The following PLEKHM3 variants were observed in gnomAD, a reference collection of about 807,000 sequenced individuals.
PLEKHM3 encodes pleckstrin homology domain-containing family M member 3.
Under a neutral mutation model 81.8 loss-of-function variants are expected in PLEKHM3, and 45 were observed. That is an observed-to-expected ratio of 0.55 (90% CI 0.43 to 0.71). PLEKHM3 has a LOEUF of 0.71. PLEKHM3 is among the 30% of genes least tolerant of loss of function. The pLI is 0.00. For missense variants in PLEKHM3, 788 were observed against 924.3 expected (o/e 0.85, Z 1.91); for synonymous variants, 352 against 356.4 (o/e 0.99, Z 0.14).
chr2:207,935,732 C>T (rs921302297), intron 4 of PLEKHM3, among the ~76,000 whole-genome samples: 4 of 152,170 alleles, frequency 2.6e-5, no homozygotes, highest in Admixed American at 2.6e-4. Context: ...TGCTTTTTAG[C>T]ATTGTTTATA....
At position 207,908,595 on chromosome 2, in the gene PLEKHM3, T is replaced by C. The variant is rs767643090; in HGVS notation, c.1887-18A>G. 33 of 1,592,028 alleles carry C rather than the reference T, an allele frequency of 2.1e-5. No individual in the cohort carries two copies. The South Asian group carries it at 2.3e-4, about 11-fold the overall frequency. ...GGAAAATTCTGAAAACAAGGGCAGA[T>C]AGACAAGTGAACTGTGGTGCTGCCA... On this transcript the variant is annotated intron_variant, in intron 5 of 7. Transcript: ENST00000427836.
intron 6 of PLEKHM3, chr2:207,900,200 T>C (rs966003890): frequency 6.6e-6 from 1 of 152,176 alleles, no homozygotes; most frequent in Non-Finnish European, 1.5e-5. Flanking sequence ...GCTGGAATCA[T>C]GTGGGGCTGT....
chr2:207,953,746 C>A (rs564811015), intron 3 of PLEKHM3, among the ~76,000 whole-genome samples: 3 of 151,912 alleles, frequency 2.0e-5, no homozygotes, highest in South Asian at 2.1e-4. Flanking sequence ...ATTGCTGGAA[C>A]CTGGGAGGCA....
At chr2:207,953,205 G>C (rs1690390594) in intron 3 of PLEKHM3, among the ~76,000 whole-genome samples, 1 of 152,208 alleles carries the variant, frequency 6.6e-6, no homozygotes, top group South Asian at 2.1e-4. Context: ...TGAGTTCATG[G>C]ACTTTAGACT....
In PLEKHM3 at chr2:207,830,719, G is replaced by GAAGTGTCCTTAGGACACTTCTTCT. The variant is rs1553541542; in HGVS notation, c.2109-2224_2109-2223insAGAAGAAGTGTCCTAAGGACACTT. ...CTAAGTGTCCTTAGAAGTGTCCTTA[G>GAAGTGTCCTTAGGACACTTCTTCT]AAGTGTCCTAAGTTGGGGAGCTTGC... On this transcript the variant is annotated intron_variant, in intron 7 of 7. Transcript: ENST00000427836. Among the ~76,000 whole-genome samples, 516 of 146,512 alleles carry GAAGTGTCCTTAGGACACTTCTTCT rather than the reference G, an allele frequency of 3.5e-3. 4 individuals are homozygous for GAAGTGTCCTTAGGACACTTCTTCT. Among genetic ancestry groups the GAAGTGTCCTTAGGACACTTCTTCT allele is most frequent in the African/African-American group, 0.012 (481 of 39,192 alleles).
At chr2:207,905,255 C>T (rs1688564677) in intron 6 of PLEKHM3, among the ~76,000 whole-genome samples, 1 of 152,182 alleles carries the variant, frequency 6.6e-6, no homozygotes, top group African/African-American at 2.4e-5. Context: ...ATATGACAGA[C>T]AGGTCTGCTT....
chr2:207,943,086 T>C lies in PLEKHM3; in HGVS notation c.1692+3281A>G, dbSNP rs146415804. On this transcript the variant is annotated intron_variant, in intron 4 of 7. Coordinates refer to ENST00000427836, the MANE Select transcript of PLEKHM3 (RefSeq NM_001080475.3). ...AGGTTGGTTAATGGGTATAAAAATA[T>C]AGTGGGAAAGAGAAGTTCTAGTATT... Among the ~76,000 whole-genome samples, 23 of 152,202 alleles carry C rather than the reference T, an allele frequency of 1.5e-4. No homozygotes were observed. The East Asian group carries it at 3.3e-3, about 22-fold the overall frequency.
intron 5 of PLEKHM3, among the ~76,000 whole-genome samples, chr2:207,924,271 G>A (rs1440505302): frequency 6.6e-6 from 1 of 152,190 alleles, no homozygotes; most frequent in African/African-American, 2.4e-5. Flanking sequence ...GTACGCAGCT[G>A]GACATAACAA....
rs1293919579 is a variant in PLEKHM3 at position 207,824,821 on chromosome 2, A to T, written c.*3498T>A. ...CTCGGATCTCACTGCAGCCGGAAGG[A>T]AGTCACGGCATAGTCCCTTTTCAGG... is the stretch of plus-strand genomic sequence containing the variant. On this transcript the variant is annotated 3_prime_UTR_variant, in exon 8 of 8. Coordinates refer to ENST00000427836, the MANE Select transcript of PLEKHM3 (RefSeq NM_001080475.3). 1 of 152,164 alleles carries T rather than the reference A, an allele frequency of 6.6e-6. No homozygotes were observed. The highest frequency in any genetic ancestry group is 1.5e-5 in the Non-Finnish European group (1 of 68,044). 9.4% of individuals were successfully genotyped at this position (152,164 alleles called of 1,614,324 possible).
At chr2:207,946,875 T>C (rs1183254679) in intron 3 of PLEKHM3, among the ~76,000 whole-genome samples, 1 of 152,204 alleles carries the variant, frequency 6.6e-6, no homozygotes, top group Non-Finnish European at 1.5e-5. Flanking sequence ...GCTGAAGGCA[T>C]CTCATACAGA....
At chr2:207,828,896 C>T (rs1337390590) in intron 7 of PLEKHM3, among the ~76,000 whole-genome samples, 1 of 152,238 alleles carries the variant, frequency 6.6e-6, no homozygotes, top group South Asian at 2.1e-4. Context: ...ACAGCCACAG[C>T]GTTACATCCA....
intron 5 of PLEKHM3, among the ~76,000 whole-genome samples, chr2:207,921,241 G>GT (rs200481353): frequency 0.018 from 2,722 of 152,208 alleles, 27 homozygotes; most frequent in Middle Eastern, 0.054. Context: ...CAGAGACGGG[G>GT]TTTCACCATG....
chr2:207,923,880 C>CACACACACATATAT (rs1319162543), intron 5 of PLEKHM3, among the ~76,000 whole-genome samples: 12 of 56,788 alleles, frequency 2.1e-4, no homozygotes, highest in South Asian at 5.9e-4. Context: ...CACACACACA[C>CACACACACATATAT]ATATATATAT....
At chr2:207,957,630 G>A (rs970784561) in intron 3 of PLEKHM3, among the ~76,000 whole-genome samples, 1 of 152,148 alleles carries the variant, frequency 6.6e-6, no homozygotes, top group Non-Finnish European at 1.5e-5. Context: ...CCCAGGAGAC[G>A]GAGGTTGCAG....
intron 2 of PLEKHM3, among the ~76,000 whole-genome samples, chr2:207,995,259 G>A (rs1692032687): frequency 6.6e-6 from 1 of 152,208 alleles, no homozygotes; most frequent in Non-Finnish European, 1.5e-5. Context: ...TAGCTGGATT[G>A]CTTTGGCATG....
At chr2:208,018,635 CTG>C (rs1238668999) in intron 1 of PLEKHM3, among the ~76,000 whole-genome samples, 1 of 152,196 alleles carries the variant, frequency 6.6e-6, no homozygotes, top group African/African-American at 2.4e-5. Flanking sequence ...ATCCATTTCT[CTG>C]TCTCCGTTGC....
intron 4 of PLEKHM3, among the ~76,000 whole-genome samples, chr2:207,938,285 T>C (rs531576249): frequency 2.6e-5 from 4 of 152,196 alleles, no homozygotes; most frequent in Non-Finnish European, 5.9e-5. Flanking sequence ...GGTTTAGCGC[T>C]TCCTAATCTT....
intron 6 of PLEKHM3, among the ~76,000 whole-genome samples, chr2:207,879,555 A>G (rs2092576148): frequency 6.6e-6 from 1 of 152,244 alleles, no homozygotes; most frequent in Non-Finnish European, 1.5e-5. Flanking sequence ...AACTTTGTCC[A>G]AACAAAATGG....
At chr2:207,864,906 C>T (rs1379642997) in intron 6 of PLEKHM3, among the ~76,000 whole-genome samples, 3 of 152,088 alleles carry the variant, frequency 2.0e-5, no homozygotes, top group African/African-American at 7.2e-5. Context: ...AAGCTACTCA[C>T]ATTTATTATT....
Sources: allele counts gnomAD v4.1 joint callset (sites outside exome capture counted in the v4.1 genomes callset), GRCh38; gene constraint gnomAD v4.1.1; transcripts MANE v1.5; gene names NCBI Gene and HGNC (gene_info 2026-07-23, HGNC 2026-07-21).